PGGHG: variants seen among roughly 807,000 people sequenced by gnomAD.
The protein encoded by PGGHG is ATH1, acid trehalase-like 1.
A neutral mutation model predicts 74.5 loss-of-function variants in PGGHG; 67 were observed. The ratio of observed to expected loss-of-function variants is 0.90; its 90% CI spans 0.74 to 1.10. The LOEUF (loss-of-function observed/expected upper bound fraction) is 1.10. Among genes scored for constraint, PGGHG ranks in the 50% least tolerant of loss-of-function variants. PGGHG has a pLI of 0.00. For synonymous variants in PGGHG, 496 were observed against 419.9 expected, an observed-to-expected ratio of 1.18 and a Z score of -2.21; for missense variants, 1,034 against 981.5, an observed-to-expected ratio of 1.05 and a Z score of -0.72.
At chr11:292,292 G>A (rs530226471) in intron 5 of PGGHG, among the ~76,000 whole-genome samples, 197 bp downstream of exon 5, 4 of 152,114 alleles carry the variant, frequency 2.6e-5, no homozygotes, top group East Asian at 1.9e-4. Flanking sequence ...GAACCGCAGC[G>A]GGCTGGGACC....
Position 291,521 on chromosome 11 carries a change from A to T in PGGHG, c.906+408A>T, listed in dbSNP as rs117298830. The T allele has an allele frequency of 7.0e-3, 1,729 of 247,444 alleles. 91 individuals carry two copies. The East Asian group carries it at 0.099, about 14-fold the overall frequency. The allele number at this position is 247,444 out of a possible 1,614,324, so 15.3% of individuals were successfully genotyped here. A position where few individuals can be genotyped will look rare whatever the true frequency, so the allele number is the denominator to read the frequency against. On this transcript the variant is annotated intron_variant, in intron 4 of 13. Transcript: ENST00000409548. ...GCGTGGAGCCCGGTACTGGAGGCCG[A>T]CGGGGGTGACGGGGACGCTGAGGGC...
rs115543936 is a variant in PGGHG at position 294,390 on chromosome 11, C to A, written c.1932C>A (p.Thr644=). Residue 644 remains threonine (T), a synonymous_variant, in exon 13 of 14, where the codon ACC becomes ACA. Coordinates refer to ENST00000409548, the MANE Select transcript of PGGHG (RefSeq NM_025092.5). ...LNFSFSEDSV[T]VEVTARAGPW... ...TCTCTTTTTCCGAGGACTCCGTGAC[C>A]GTGGAGGTCACAGCTCGAGCAGGGC... is the stretch of plus-strand genomic sequence containing the variant. 58 of 1,612,984 alleles carry A rather than the reference C, an allele frequency of 3.6e-5. No individual in the cohort carries two copies. The South Asian group carries it at 6.0e-4, about 17-fold the overall frequency.
In PGGHG at chr11:292,681, A is replaced by C. The variant is rs780092877; in HGVS notation, c.1158+4A>C. The C allele has an allele frequency of 2.2e-5, 35 of 1,613,558 alleles. No homozygotes were observed. Among genetic ancestry groups the C allele is most frequent in the Non-Finnish European group, 2.8e-5 (33 of 1,179,970 alleles). On this transcript the variant is annotated splice_donor_region_variant and intron_variant, in intron 6 of 13. Transcript: ENST00000409548. ...GCTGTACTACCATACCACCCAGGTG[A>C]GGTGCTGCGTGCCCACCATTCCTGC... is the stretch of plus-strand genomic sequence containing the variant.
rs1301137085 is a variant in PGGHG, at chr11:292,599, G to A, written c.1080G>A (p.Glu360=). Residue 360 remains glutamate (E), a synonymous_variant, in exon 6 of 14, where the codon GAG becomes GAA. Transcript: ENST00000409548. ...ACTCCGGCCTAGAGGTTTGCCCTGA[G>A]GACATTTACGGAGTCCAGGAGGTCC... ...SADSGLEVCP[E]DIYGVQEVHV... The A allele has an allele frequency of 1.2e-6, 2 of 1,613,730 alleles. No homozygotes were observed. Among genetic ancestry groups the A allele is most frequent in the Non-Finnish European group, 1.7e-6 (2 of 1,180,010 alleles).
intron 6 of PGGHG, 99 bp downstream of exon 6, chr11:292,776 C>A (rs1440328328): frequency 7.5e-6 from 12 of 1,606,516 alleles, no homozygotes; most frequent in Non-Finnish European, 1.0e-5. Context: ...TCCTGGGAAG[C>A]TGGCTGAGGA....
chr11:290,343 G>A, intron 2 of PGGHG, 47 bp from the exon 3 acceptor site: 1 of 1,515,168 alleles, frequency 6.6e-7, no homozygotes, highest in Non-Finnish European at 8.9e-7. Context: ...CTGCCCCAGA[G>A]AGGCCATAGC....
Position 292,171 on chromosome 11 carries a change from C to A in PGGHG, c.1026+76C>A, listed in dbSNP as rs1168252307. ...CCCACACCCCTCCCAGGCCTGTATCCCTCTCCCCAGGCCCCCTCTGGACAA... is the reference window on the plus strand; with the variant it reads ...CCCACACCCCTCCCAGGCCTGTATCACTCTCCCCAGGCCCCCTCTGGACAA... On this transcript the variant is annotated intron_variant, in intron 5 of 13. Coordinates refer to ENST00000409548, the MANE Select transcript of PGGHG (RefSeq NM_025092.5). 14 of 1,451,374 alleles carry A rather than the reference C, an allele frequency of 9.6e-6. No homozygotes were observed. In the East Asian group the frequency reaches 3.2e-4, roughly 34 times the overall value. 89.9% of individuals were successfully genotyped at this position (1,451,374 alleles called of 1,614,324 possible).
At chr11:291,854 G>T in intron 4 of PGGHG, 122 bp from the exon 5 acceptor site, 6 of 1,378,106 alleles carry the variant, frequency 4.4e-6, no homozygotes, top group Non-Finnish European at 5.7e-6. Flanking sequence ...AGATCTGAGT[G>T]GGCAGCCGAG....
rs1019150459 is a variant in PGGHG at position 289,571 on chromosome 11, C to T, written c.-13-233C>T. ...TAAGGTAGCAGGAGGGAGAGACACA[C>T]TCAGGGGCTCAGCTGGGTTCCTGGA... On this transcript the variant is annotated intron_variant, in intron 1 of 13. Transcript: ENST00000409548. This position sits in a 1 kb window ranked among gnomAD's most constrained non-coding sequence, Gnocchi z 5.6. 17 of 572,886 alleles carry T rather than the reference C, an allele frequency of 3.0e-5. 1 individual carries two copies. In the Admixed American group the frequency reaches 3.4e-4, roughly 11 times the overall value. The allele number at this position is 572,886 out of a possible 1,614,324, so 35.5% of individuals were successfully genotyped here. A position where few individuals can be genotyped will look rare whatever the true frequency, so the allele number is the denominator to read the frequency against.
At chr11:291,337 C>T (rs560007518) in intron 4 of PGGHG, 60 of 534,460 alleles carry the variant, frequency 1.1e-4, no homozygotes, top group African/African-American at 9.2e-4. Flanking sequence ...CTTTCCAGAG[C>T]GTGGGGAGGG....
At position 291,053 on chromosome 11, in the gene PGGHG, T is replaced by C; in HGVS notation, c.846T>C (p.Pro282=). ...APGYICHGLS[P]GGLSNGSREE... is the part of the protein sequence containing the mutation. ...GATACATCTGCCATGGCCTCAGTCC[T>C]GGGGGCCTCTCCAATGGGAGCCGTG... Residue 282 remains proline (P), a synonymous_variant, in exon 4 of 14, where the codon CCT becomes CCC. Coordinates refer to ENST00000409548, the MANE Select transcript of PGGHG (RefSeq NM_025092.5). The C allele has an allele frequency of 6.2e-7, 1 of 1,610,080 alleles. No individual in the cohort carries two copies. The highest frequency in any genetic ancestry group is 8.5e-7 in the Non-Finnish European group (1 of 1,178,172).
At position 294,927 on chromosome 11, in the gene PGGHG, A is replaced by G. The variant is rs549356577; in HGVS notation, c.*178A>G. 1.4e-5 allele frequency: 10 copies of G among 717,134 alleles called. No individual in the cohort carries two copies. In the African/African-American group the frequency reaches 1.4e-4, roughly 10 times the overall value. 44.4% of individuals were successfully genotyped at this position (717,134 alleles called of 1,614,324 possible). On this transcript the variant is annotated 3_prime_UTR_variant, in exon 14 of 14. Transcript: ENST00000409548. ...CTGCCTGTAGCCTGGACTCCCGTGG[A>G]CCCCCGTGGGCAGGTGGCTTCCCCG...
rs1266169247 is a variant in PGGHG, at chr11:293,489, T to C, written c.1467T>C (p.Asp489=). 3 of 1,611,524 alleles carry C rather than the reference T, an allele frequency of 1.9e-6. No homozygotes were observed. Among genetic ancestry groups the C allele is most frequent in the Admixed American group, 1.7e-5 (1 of 60,018 alleles). The change falls in exon 9 of 14, where the codon GAT becomes GAC. Residue 489 remains aspartate (D), a synonymous_variant. Transcript: ENST00000409548. Reference sequence around the variant, plus strand: ...AGCAGAACTTCCACCCGGAGTTCGATGGGTATGAGCCTGGTGAGTGGACCC... The same window carrying C: ...AGCAGAACTTCCACCCGGAGTTCGACGGGTATGAGCCTGGTGAGTGGACCC... ...DVEQNFHPEF[D]GYEPGEVVKQ... is the part of the protein sequence containing the mutation.
chr11:290,699 C>T lies in PGGHG; in HGVS notation c.492C>T (p.Leu164=), dbSNP rs376440498. 1.2e-6 allele frequency: 2 copies of T among 1,603,620 alleles called. No individual in the cohort carries two copies. Among genetic ancestry groups the T allele is most frequent in the East Asian group, 4.5e-5 (2 of 44,692 alleles). The part of the protein sequence containing the change: ...QGARYLYGHT[L]TPEQPGGPQQ... ...ACAGGTACCTGTATGGCCACACCCTCACCCCTGAGCAGCCCGGGGGGCCAC... is the reference window on the plus strand; with the variant it reads ...ACAGGTACCTGTATGGCCACACCCTTACCCCTGAGCAGCCCGGGGGGCCAC... The change falls in exon 4 of 14, where the codon CTC becomes CTT. Residue 164 remains leucine (L), a synonymous_variant. Coordinates refer to ENST00000409548, the MANE Select transcript of PGGHG (RefSeq NM_025092.5).
intron 8 of PGGHG, 25 bp from the exon 9 acceptor site, chr11:293,341 C>G: frequency 6.2e-7 from 1 of 1,608,104 alleles, no homozygotes; most frequent in Non-Finnish European, 8.5e-7. Flanking sequence ...GGGTTGCAGC[C>G]TCCCCCACCT....
At position 290,577 on chromosome 11, in the gene PGGHG, G is replaced by C. The variant is rs1359639071; in HGVS notation, c.447G>C (p.Gln149His). 3 of 1,554,992 alleles carry C rather than the reference G, an allele frequency of 1.9e-6. No homozygotes were observed. Among genetic ancestry groups the C allele is most frequent in the Non-Finnish European group, 2.6e-6 (3 of 1,149,378 alleles). ...AAAGCCCAGACCTGGACCTGCATCA[G>C]GGTCCTGACTTCCAGGGAGCCCGGT... is the stretch of plus-strand genomic sequence containing the variant. ...SPESPDLDLH[Q>H]GPDFQGARYL... The change falls in exon 3 of 14, where the codon CAG becomes CAC. Residue 149 changes from glutamine (Q) to histidine (H), a missense_variant. Gln to His is a conservative substitution (Grantham distance 24). Coordinates refer to ENST00000409548, the MANE Select transcript of PGGHG (RefSeq NM_025092.5).
At position 290,419 on chromosome 11, in the gene PGGHG, C is replaced by T. The variant is rs536120168; in HGVS notation, c.289C>T (p.Arg97Cys). Residue 97 changes from arginine to cysteine, a missense_variant, in exon 3 of 14, where the codon CGC becomes TGC. Coordinates refer to ENST00000409548, the MANE Select transcript of PGGHG (RefSeq NM_025092.5). ...GSFLHTLEGP[R>C]FRASQCIYAH... is the part of the protein sequence containing the mutation. ...CTTTCTTCACACCCTGGAGGGCCCC[C>T]GCTTCCGGGCCTCCCAGTGCATCTA... The T allele has an allele frequency of 2.9e-4, 444 of 1,547,600 alleles. 7 individuals carry two copies. The Admixed American group carries it at 8.1e-3, about 28-fold the overall frequency.
chr11:292,021 G>C lies in PGGHG; in HGVS notation c.952G>C (p.Ala318Pro). Reference sequence around the variant, plus strand: ...TATCCTGATGTTCCACCCAGAAGCCGCCAGGGCCATCCTGGAGTACCGCAT... The same window carrying C: ...TATCCTGATGTTCCACCCAGAAGCCCCCAGGGCCATCCTGGAGTACCGCAT... ...PSILMFHPEA[A>P]RAILEYRIRT... The change falls in exon 5 of 14, where the codon GCC becomes CCC. Residue 318 changes from alanine to proline, a missense_variant. Ala to Pro is a conservative substitution (Grantham distance 27). Coordinates refer to ENST00000409548, the MANE Select transcript of PGGHG (RefSeq NM_025092.5). 1.2e-6 allele frequency: 2 copies of C among 1,608,536 alleles called. No individual in the cohort carries two copies. Among genetic ancestry groups the C allele is most frequent in the South Asian group, 1.1e-5 (1 of 89,992 alleles).
Position 294,824 on chromosome 11 carries a change from C to T in PGGHG, c.*75C>T, listed in dbSNP as rs949435480. On this transcript the variant is annotated 3_prime_UTR_variant, in exon 14 of 14. Transcript: ENST00000409548. ...GTCTGCACCCACCCCTCCTGGGCAC[C>T]CTCCTAGCCTGCCATCCCTCACCTG... is the stretch of plus-strand genomic sequence containing the variant. 2.8e-6 allele frequency: 4 copies of T among 1,449,502 alleles called. No homozygotes were observed. In the African/African-American group the frequency reaches 4.3e-5, roughly 15 times the overall value. The allele number at this position is 1,449,502 out of a possible 1,614,324, so 89.8% of individuals were successfully genotyped here.
Sources: gnomAD v4.1 joint callset for allele counts (sites outside exome capture counted in the v4.1 genomes callset) on GRCh38, gnomAD v4.1.1 for gene constraint, Gnocchi (gnomAD v3.1) non-coding constraint, MANE v1.5 for transcripts, NCBI Gene and HGNC (gene_info 2026-07-23, HGNC 2026-07-21) for gene names.